The following RIT2 variants were observed in gnomAD, a reference collection of about 807,000 sequenced individuals.
RIT2 encodes GTP-binding protein Rit2.
A neutral mutation model predicts 23.7 loss-of-function variants in RIT2; 24 were observed. The observed-to-expected ratio is 1.01, with a 90% CI of 0.73 to 1.43. The LOEUF is 1.43. Among genes scored for constraint, RIT2 ranks in the 40% most tolerant of loss-of-function variants. RIT2 has a pLI of 0.00. For missense variants in RIT2, 236 were observed against 266.9 expected, an observed-to-expected ratio of 0.88 and a Z score of 0.81; for synonymous variants, 107 against 91.1, an observed-to-expected ratio of 1.17 and a Z score of -0.99.
chr18:42,811,807 A>G (rs1438347596), intron 4 of RIT2, among the ~76,000 whole-genome samples: 1 of 152,094 alleles, frequency 6.6e-6, no homozygotes, highest in Non-Finnish European at 1.5e-5. Flanking sequence ...CAAAGTCAAA[A>G]GAACATATAT....
At chr18:43,094,590 T>G (rs538401695) in intron 1 of RIT2, among the ~76,000 whole-genome samples, 1 of 152,028 alleles carries the variant, frequency 6.6e-6, no homozygotes, top group East Asian at 1.9e-4. Flanking sequence ...AATTTGTTTG[T>G]AGAAAGACTT....
chr18:42,750,173 T>C (rs755533983), intron 4 of RIT2, among the ~76,000 whole-genome samples: 33 of 151,836 alleles, frequency 2.2e-4, no homozygotes, highest in Non-Finnish European at 3.7e-4. Flanking sequence ...TATGGCAACA[T>C]ATAATTCCCA....
chr18:43,044,378 T>G (rs1912199074), intron 1 of RIT2, among the ~76,000 whole-genome samples: 1 of 152,180 alleles, frequency 6.6e-6, no homozygotes, highest in Non-Finnish European at 1.5e-5. Context: ...TCTATAAAAT[T>G]AACATTTAGA....
intron 4 of RIT2, among the ~76,000 whole-genome samples, chr18:42,748,944 G>C (rs1264492791): frequency 6.6e-6 from 1 of 151,842 alleles, no homozygotes; most frequent in African/African-American, 2.4e-5. Context: ...AAAATTAATA[G>C]GCAAATATTC....
chr18:42,801,874 A>T (rs1905548365), intron 4 of RIT2, among the ~76,000 whole-genome samples: 1 of 152,222 alleles, frequency 6.6e-6, no homozygotes, highest in Non-Finnish European at 1.5e-5. Context: ...TAGTGCTACC[A>T]GATGTTTCTG....
chr18:42,999,564 A>G (rs552471146), intron 2 of RIT2, among the ~76,000 whole-genome samples: 1 of 152,118 alleles, frequency 6.6e-6, no homozygotes, highest in Non-Finnish European at 1.5e-5. Flanking sequence ...GGAGTCAAAC[A>G]ATCCAACTTG....
At chr18:42,795,982 AC>A (rs1905338889) in intron 4 of RIT2, among the ~76,000 whole-genome samples, 1 of 152,038 alleles carries the variant, frequency 6.6e-6, no homozygotes, top group South Asian at 2.1e-4. Context: ...GTCAAAACAG[AC>A]CCCTTGGCTC....
Position 42,752,883 on chromosome 18 carries a change from G to A in RIT2, c.427-9163C>T, listed in dbSNP as rs547583452. ...ACGTTTTTGATTTAATGTGACACCT[G>A]GAGGCCTTAGAAAGCAATGGCAGAA... On this transcript the variant is annotated intron_variant, in intron 4 of 4. Coordinates refer to ENST00000326695, the MANE Select transcript of RIT2 (RefSeq NM_002930.4). 2.6e-5 allele frequency among the ~76,000 whole-genome samples: 4 copies of A among 152,188 alleles called. No homozygotes were observed. The South Asian group carries it at 8.3e-4, about 32-fold the overall frequency.
intron 4 of RIT2, among the ~76,000 whole-genome samples, chr18:42,827,833 G>A (rs375904803): frequency 2.6e-5 from 4 of 151,464 alleles, no homozygotes; most frequent in Non-Finnish European, 2.9e-5. Flanking sequence ...GTGAAACCCC[G>A]TCTCTACTAA....
In RIT2 at chr18:42,923,566, A is replaced by T. The variant is rs907634786; in HGVS notation, c.426+6T>A. 3 of 1,611,568 alleles carry T rather than the reference A, an allele frequency of 1.9e-6. No homozygotes were observed. The African/African-American group carries it at 4.0e-5, about 22-fold the overall frequency. On this transcript the variant is annotated splice_donor_region_variant and intron_variant, in intron 4 of 4. Coordinates refer to ENST00000326695, the MANE Select transcript of RIT2 (RefSeq NM_002930.4). The stretch of plus-strand genomic sequence containing the variant: ...ACAGAAGCTACCAGATAAAATCGGC[A>T]CTCACCTGGCGGAACTGTTCCAGAT...
chr18:42,920,409 C>T (rs1369365257), intron 4 of RIT2, among the ~76,000 whole-genome samples: 2 of 152,130 alleles, frequency 1.3e-5, no homozygotes, highest in African/African-American at 4.8e-5. Flanking sequence ...GAGACTACTT[C>T]TTGGTCTTGC....
intron 4 of RIT2, among the ~76,000 whole-genome samples, chr18:42,894,213 C>G (rs1908260803): frequency 6.6e-6 from 1 of 152,186 alleles, no homozygotes; most frequent in Non-Finnish European, 1.5e-5. Context: ...GCAGTAAGTG[C>G]TTTGCAAGGC....
chr18:42,793,513 C>T (rs1914088524), intron 4 of RIT2, among the ~76,000 whole-genome samples: 1 of 152,134 alleles, frequency 6.6e-6, no homozygotes, highest in Admixed American at 6.5e-5. Context: ...GAAAAGGTCT[C>T]ATTAAGGGAA....
intron 4 of RIT2, among the ~76,000 whole-genome samples, chr18:42,756,213 C>T (rs896571426): frequency 1.3e-5 from 2 of 152,206 alleles, no homozygotes; most frequent in African/African-American, 4.8e-5. Flanking sequence ...TTTTAAAAAG[C>T]CTATTTCTTG....
chr18:42,808,352 T>G, intron 4 of RIT2, among the ~76,000 whole-genome samples: 1 of 152,180 alleles, frequency 6.6e-6, no homozygotes, highest in Non-Finnish European at 1.5e-5. Context: ...AGAGAGATTA[T>G]GCACTCATGC....
intron 4 of RIT2, among the ~76,000 whole-genome samples, chr18:42,753,125 C>A (rs1031753388): frequency 6.6e-6 from 1 of 152,150 alleles, no homozygotes; most frequent in African/African-American, 2.4e-5. Context: ...GGCAAAAAGG[C>A]AGGCAGAGCC....
At chr18:43,033,035 G>A (rs937456595) in intron 2 of RIT2, among the ~76,000 whole-genome samples, 9 of 152,170 alleles carry the variant, frequency 5.9e-5, no homozygotes, top group African/African-American at 2.2e-4. Flanking sequence ...CAGCCATGAG[G>A]CTATATGCCT....
At chr18:43,105,642 A>T (rs997613607) in intron 1 of RIT2, among the ~76,000 whole-genome samples, 1 of 152,180 alleles carries the variant, frequency 6.6e-6, no homozygotes, top group African/African-American at 2.4e-5. Flanking sequence ...CTTAATGAGG[A>T]AAAGGGAGAC....
intron 1 of RIT2, among the ~76,000 whole-genome samples, chr18:43,065,647 C>T (rs1912754784): frequency 6.6e-6 from 1 of 152,048 alleles, no homozygotes; most frequent in Non-Finnish European, 1.5e-5. Context: ...TTTTCACCTC[C>T]TTTCATTTTA....
Sources: gnomAD v4.1 joint callset for allele counts (sites outside exome capture counted in the v4.1 genomes callset) on GRCh38, gnomAD v4.1.1 for gene constraint, MANE v1.5 for transcripts, NCBI Gene and HGNC (gene_info 2026-07-23, HGNC 2026-07-21) for gene names.